The following FMN1 variants were observed in gnomAD, a reference collection of about 807,000 sequenced individuals.
FMN1 encodes formin 1.
FMN1 carries 110 observed loss-of-function variants against 132.4 expected under a neutral mutation model. The observed-to-expected ratio is 0.83, with a 90% CI of 0.71 to 0.97. The LOEUF is 0.97. Ranked by LOEUF, FMN1 falls within the 50% of genes least tolerant of loss-of-function variation. FMN1 has a pLI of 0.00. For synonymous variants in FMN1, 722 were observed against 651.7 expected, an observed-to-expected ratio of 1.11 and a Z score of -1.64; for missense variants, 1,792 against 1,705.3, an observed-to-expected ratio of 1.05 and a Z score of -0.90.
chr15:33,082,254 G>T (rs760323520), intron 5 of FMN1, among the ~76,000 whole-genome samples: 76 of 152,096 alleles, frequency 5.0e-4, no homozygotes, highest in Non-Finnish European at 6.9e-4. Flanking sequence ...TGTGTTTTCA[G>T]TAGAGACGGG....
chr15:33,005,398 G>A (rs976268525), intron 7 of FMN1, among the ~76,000 whole-genome samples: 4 of 152,056 alleles, frequency 2.6e-5, no homozygotes, highest in Non-Finnish European at 4.4e-5. Flanking sequence ...GTATAGTTTG[G>A]AACATTTTTA....
At chr15:33,041,219 G>C (rs185546178) in intron 6 of FMN1, among the ~76,000 whole-genome samples, 1 of 151,392 alleles carries the variant, frequency 6.6e-6, no homozygotes, top group Non-Finnish European at 1.5e-5. Flanking sequence ...ACTACTTTTC[G>C]TGAAGAATAC....
chr15:32,947,389 CTG>C (rs1309805843), intron 9 of FMN1, among the ~76,000 whole-genome samples: 3 of 151,940 alleles, frequency 2.0e-5, no homozygotes, highest in Non-Finnish European at 2.9e-5. Context: ...TTAGTTTTTC[CTG>C]TGACAATTAC....
chr15:33,115,263 G>A (rs2039873559), intron 4 of FMN1, among the ~76,000 whole-genome samples: 1 of 152,142 alleles, frequency 6.6e-6, no homozygotes, highest in African/African-American at 2.4e-5. Context: ...GAGGGTGGGA[G>A]GCTAGGAGTC....
intron 9 of FMN1, 108 bp downstream of exon 9, chr15:32,963,999 T>A: frequency 1.7e-6 from 1 of 592,188 alleles, no homozygotes. Context: ...TAGGTATGTG[T>A]GTGTGTGTAT....
intron 2 of FMN1, among the ~76,000 whole-genome samples, chr15:33,185,568 AT>A (rs57232200): frequency 0.32 from 36,872 of 113,512 alleles, 5,979 homozygotes; most frequent in Middle Eastern, 0.45. Flanking sequence ...TAAAGTAAGA[AT>A]TTTTTTTTTT....
At chr15:32,875,122 A>G (rs1470893360) in intron 16 of FMN1, among the ~76,000 whole-genome samples, 1 of 152,196 alleles carries the variant, frequency 6.6e-6, no homozygotes, top group East Asian at 1.9e-4. Flanking sequence ...TCAAAAGCAA[A>G]TGGCCCTTAA....
chr15:32,989,236 T>G (rs2033280539), intron 7 of FMN1, among the ~76,000 whole-genome samples: 1 of 152,192 alleles, frequency 6.6e-6, no homozygotes, highest in Non-Finnish European at 1.5e-5. Flanking sequence ...AAAGTTTATG[T>G]CCGTCATGTA....
chr15:33,134,658 A>G (rs997902535), intron 4 of FMN1, among the ~76,000 whole-genome samples: 2 of 152,208 alleles, frequency 1.3e-5, no homozygotes, highest in African/African-American at 4.8e-5. Flanking sequence ...ATGATCCTAC[A>G]AGTTGCTTAA....
At chr15:33,106,572 C>A (rs1004161686) in intron 4 of FMN1, among the ~76,000 whole-genome samples, 1 of 152,068 alleles carries the variant, frequency 6.6e-6, no homozygotes, top group African/African-American at 2.4e-5. Flanking sequence ...AGAAAACACT[C>A]TTTCCATCCA....
intron 6 of FMN1, among the ~76,000 whole-genome samples, chr15:33,047,570 A>G (rs184838543): frequency 6.6e-6 from 1 of 152,352 alleles, no homozygotes; most frequent in Admixed American, 6.5e-5. Flanking sequence ...TTTTCCTCAT[A>G]AAGCCTCAGA....
rs543589025 is a variant in FMN1, at chr15:33,139,319, G to A, written c.1867+13729C>T. On this transcript the variant is annotated intron_variant, in intron 4 of 20. Transcript: ENST00000616417. ...AATACCTAAATAGCTGTTGTTGGCC[G>A]GGCACGGTGGCGCACGCCTGTAATC... Among the ~76,000 whole-genome samples the A allele has an allele frequency of 4.1e-4, 62 of 152,266 alleles. 1 individual carries two copies. Among genetic ancestry groups the A allele is most frequent in the Admixed American group, 3.1e-3 (47 of 15,294 alleles).
intron 5 of FMN1, among the ~76,000 whole-genome samples, chr15:33,077,998 G>T (rs1460939776): frequency 2.0e-5 from 3 of 152,122 alleles, no homozygotes; most frequent in African/African-American, 7.2e-5. Context: ...ACAGGTGCTG[G>T]AGAGGATGTG....
intron 17 of FMN1, among the ~76,000 whole-genome samples, chr15:32,814,701 A>C (rs1231382309): frequency 6.6e-6 from 1 of 152,210 alleles, no homozygotes; most frequent in Non-Finnish European, 1.5e-5. Flanking sequence ...TTTCCCAGAC[A>C]ACTCTGTCTC....
intron 4 of FMN1, among the ~76,000 whole-genome samples, chr15:33,145,754 AG>A (rs1964191488): frequency 6.6e-6 from 1 of 151,648 alleles, no homozygotes; most frequent in Non-Finnish European, 1.5e-5. Flanking sequence ...TCTGAATCCT[AG>A]GGAGAACATA....
chr15:33,064,319 T>A (rs767816950), intron 6 of FMN1: 4 of 152,186 alleles, frequency 2.6e-5, no homozygotes, highest in Non-Finnish European at 5.9e-5. Context: ...TACATACCCA[T>A]CCTCTAATGC....
At chr15:32,955,058 G>A (rs1274418405) in intron 9 of FMN1, among the ~76,000 whole-genome samples, 2 of 152,150 alleles carry the variant, frequency 1.3e-5, no homozygotes, top group African/African-American at 2.4e-5. Flanking sequence ...GTGGTACTAC[G>A]CAAGTTGCCC....
rs186936850 is a variant in FMN1, at chr15:32,826,710, G to A, written c.3929-22378C>T. On this transcript the variant is annotated intron_variant, in intron 17 of 20. Transcript: ENST00000616417. ...GAGTTTGCTTTGGAGTTTGTATGTA[G>A]GAACGAAGAGAGACCCACCTTCTAT... Among the ~76,000 whole-genome samples the A allele has an allele frequency of 1.6e-4, 25 of 152,274 alleles. No homozygotes were observed. The East Asian group carries it at 4.2e-3, about 26-fold the overall frequency.
intron 7 of FMN1, among the ~76,000 whole-genome samples, chr15:33,004,211 A>C (rs182728368): frequency 1.1e-4 from 16 of 152,346 alleles, no homozygotes; most frequent in Admixed American, 7.8e-4. Context: ...ATTAAACTAA[A>C]GAGCTTCTGC....
Sources: gnomAD v4.1 joint callset for allele counts (sites outside exome capture counted in the v4.1 genomes callset) on GRCh38, gnomAD v4.1.1 for gene constraint, MANE v1.5 for transcripts, NCBI Gene and HGNC (gene_info 2026-07-23, HGNC 2026-07-21) for gene names.